Variants in ZNF804B observed in about 807,000 individuals in gnomAD.
ZNF804B encodes the protein zinc finger protein 804B.
In ZNF804B, 80 loss-of-function variants were observed where a neutral mutation model predicts 101.4. The observed-to-expected ratio is 0.79, with a 90% CI of 0.66 to 0.95. The LOEUF (loss-of-function observed/expected upper bound fraction) is 0.95, where lower values mean the gene tolerates loss of function less well. ZNF804B is among the 40% of genes least tolerant of loss of function. ZNF804B has a pLI of 0.00. For synonymous variants in ZNF804B, 622 were observed against 558.8 expected, an observed-to-expected ratio of 1.11 and a Z score of -1.59; for missense variants, 1,673 against 1,561.9, an observed-to-expected ratio of 1.07 and a Z score of -1.20.
chr7:88,990,642 C>G (rs1304212163), intron 1 of ZNF804B, among the ~76,000 whole-genome samples: 1 of 152,080 alleles, frequency 6.6e-6, no homozygotes, highest in Non-Finnish European at 1.5e-5. Context: ...TCTTGATTTT[C>G]TCCAACAGTT....
intron 1 of ZNF804B, among the ~76,000 whole-genome samples, chr7:88,876,179 A>G (rs1300295384): frequency 1.3e-5 from 2 of 152,152 alleles, no homozygotes; most frequent in African/African-American, 4.8e-5. Flanking sequence ...CTGCTTTCCC[A>G]GACAGATCAG....
intron 1 of ZNF804B, among the ~76,000 whole-genome samples, chr7:88,845,236 T>C (rs1191582175): frequency 1.3e-5 from 2 of 152,038 alleles, no homozygotes; most frequent in Non-Finnish European, 2.9e-5. Context: ...GGTAGAAAGG[T>C]ATAAACAGAA....
intron 1 of ZNF804B, among the ~76,000 whole-genome samples, chr7:88,811,427 G>A (rs1790784952): frequency 6.6e-6 from 1 of 152,160 alleles, no homozygotes; most frequent in African/African-American, 2.4e-5. Flanking sequence ...TATTGTGGAA[G>A]GCCAAGAACC....
chr7:89,155,552 A>T (rs1168306890), intron 1 of ZNF804B, among the ~76,000 whole-genome samples: 1 of 152,122 alleles, frequency 6.6e-6, no homozygotes, highest in Non-Finnish European at 1.5e-5. Flanking sequence ...CACAAAACTA[A>T]TAATTTTGTT....
At chr7:89,022,841 G>T (rs1363018782) in intron 1 of ZNF804B, among the ~76,000 whole-genome samples, 1 of 152,084 alleles carries the variant, frequency 6.6e-6, no homozygotes, top group African/African-American at 2.4e-5. Context: ...GCAACTAGAA[G>T]GGAAAATAAA....
At chr7:89,011,768 C>A (rs10230631) in intron 1 of ZNF804B, among the ~76,000 whole-genome samples, 1 of 152,038 alleles carries the variant, frequency 6.6e-6, no homozygotes, top group African/African-American at 2.4e-5. Flanking sequence ...GTACAGCCCC[C>A]CTCGCAGCTT....
chr7:89,333,369 T>A lies in ZNF804B; in HGVS notation c.387T>A (p.Ser129=), dbSNP rs141981942. The change falls in exon 4 of 4, where the codon TCT becomes TCA. Residue 129 remains serine, a synonymous_variant. Transcript: ENST00000333190. ...ATATTTATTGTATTTACAGTGTTTC[T>A]GGAAATGGACCAGCATACAAAGCCC... The part of the protein sequence containing the change: ...AELRQQSECV[S]GNGPAYKAPR... 5.7e-6 allele frequency: 9 copies of A among 1,587,516 alleles called. No homozygotes were observed. In the African/African-American group the frequency reaches 1.1e-4, roughly 19 times the overall value.
At chr7:89,121,891 G>C (rs1311124193) in intron 1 of ZNF804B, among the ~76,000 whole-genome samples, 2 of 152,078 alleles carry the variant, frequency 1.3e-5, no homozygotes, top group African/African-American at 4.8e-5. Flanking sequence ...GTGTAGCTGG[G>C]TCTGTGAGTG....
intron 1 of ZNF804B, among the ~76,000 whole-genome samples, chr7:88,778,077 G>A (rs1790171894): frequency 6.6e-6 from 1 of 152,028 alleles, no homozygotes; most frequent in Non-Finnish European, 1.5e-5. Flanking sequence ...TTGCCATTCT[G>A]TGGGTCAGTG....
At chr7:88,935,546 A>G (rs1031363579) in intron 1 of ZNF804B, among the ~76,000 whole-genome samples, 1 of 151,544 alleles carries the variant, frequency 6.6e-6, no homozygotes, top group Non-Finnish European at 1.5e-5. Context: ...TTTTTTTAAT[A>G]AAAAGAATGC....
At chr7:88,764,788 G>A (rs959693309) in intron 1 of ZNF804B, among the ~76,000 whole-genome samples, 3 of 152,054 alleles carry the variant, frequency 2.0e-5, no homozygotes, top group African/African-American at 7.2e-5. Flanking sequence ...CTTTTCAAGT[G>A]CAAAATATAA....
chr7:88,867,202 G>A (rs1195824134), intron 1 of ZNF804B, among the ~76,000 whole-genome samples: 1 of 152,142 alleles, frequency 6.6e-6, no homozygotes, highest in East Asian at 1.9e-4. Flanking sequence ...TATGAGAGAG[G>A]CGATTTTTTT....
chr7:88,813,228 C>G (rs1790818163), intron 1 of ZNF804B, among the ~76,000 whole-genome samples: 2 of 151,828 alleles, frequency 1.3e-5, no homozygotes, highest in Non-Finnish European at 2.9e-5. Flanking sequence ...GAGATCGAGA[C>G]CATCCTGGTT....
At chr7:88,920,135 A>C (rs1792698662) in intron 1 of ZNF804B, among the ~76,000 whole-genome samples, 1 of 152,090 alleles carries the variant, frequency 6.6e-6, no homozygotes, top group Non-Finnish European at 1.5e-5. Flanking sequence ...AACAAAACAA[A>C]ACTTTAAAAT....
At chr7:88,767,034 C>T (rs529900660) in intron 1 of ZNF804B, among the ~76,000 whole-genome samples, 1 of 152,198 alleles carries the variant, frequency 6.6e-6, no homozygotes, top group East Asian at 1.9e-4. Flanking sequence ...CAATCTTCTT[C>T]CTCTCTATTC....
intron 1 of ZNF804B, among the ~76,000 whole-genome samples, chr7:89,105,350 C>T (rs1455076890): frequency 6.6e-6 from 1 of 152,054 alleles, no homozygotes; most frequent in African/African-American, 2.4e-5. Flanking sequence ...GAACGGACTC[C>T]TTGGGAGTCA....
At chr7:88,901,608 A>G (rs1353292986) in intron 1 of ZNF804B, among the ~76,000 whole-genome samples, 1 of 151,610 alleles carries the variant, frequency 6.6e-6, no homozygotes, top group Non-Finnish European at 1.5e-5. Flanking sequence ...TATTTATGTG[A>G]TCTTAAAGTG....
intron 1 of ZNF804B, among the ~76,000 whole-genome samples, chr7:88,883,745 G>A (rs1792078269): frequency 6.6e-6 from 1 of 152,004 alleles, no homozygotes; most frequent in South Asian, 2.1e-4. Flanking sequence ...AAAATCATGA[G>A]GCAATTCCGA....
intron 1 of ZNF804B, among the ~76,000 whole-genome samples, chr7:89,070,784 T>G (rs559032809): frequency 9.1e-4 from 139 of 152,238 alleles, no homozygotes; most frequent in African/African-American, 3.2e-3. Flanking sequence ...CCATTGATTT[T>G]TTTTCTCGAA....
Sources: gnomAD v4.1 joint callset for allele counts (sites outside exome capture counted in the v4.1 genomes callset) on GRCh38, gnomAD v4.1.1 for gene constraint, MANE v1.5 for transcripts, NCBI Gene and HGNC (gene_info 2026-07-23, HGNC 2026-07-21) for gene names.